HS3ST4: variants seen among roughly 807,000 people sequenced by gnomAD.
HS3ST4 encodes the protein heparan sulfate glucosamine 3-O-sulfotransferase 4.
HS3ST4 carries 17 observed loss-of-function variants against 29.2 expected under a neutral mutation model. That is an observed-to-expected ratio of 0.58 (90% confidence interval 0.40 to 0.87). HS3ST4 has a LOEUF of 0.87. Among genes scored for constraint, HS3ST4 ranks in the 40% least tolerant of loss-of-function variants. HS3ST4 has a pLI of 0.00. For synonymous variants in HS3ST4, 314 were observed against 285.7 expected, an observed-to-expected ratio of 1.10 and a Z score of -1.00; for missense variants, 627 against 634.5, an observed-to-expected ratio of 0.99 and a Z score of 0.13.
intron 1 of HS3ST4, among the ~76,000 whole-genome samples, chr16:25,751,056 G>C (rs1426033001): frequency 6.6e-6 from 1 of 152,156 alleles, no homozygotes; most frequent in Non-Finnish European, 1.5e-5. Context: ...GCTGCCACTT[G>C]ATGTGCTCAT....
intron 1 of HS3ST4, among the ~76,000 whole-genome samples, chr16:25,787,083 A>G (rs1360239024): frequency 1.3e-5 from 2 of 152,228 alleles, no homozygotes; most frequent in African/African-American, 4.8e-5. Context: ...ATGTGAGTGT[A>G]TCTATTGGAA....
At chr16:25,921,190 A>G (rs1968348187) in intron 1 of HS3ST4, among the ~76,000 whole-genome samples, 1 of 152,216 alleles carries the variant, frequency 6.6e-6, no homozygotes, top group Non-Finnish European at 1.5e-5. Context: ...CTCAAAGAAC[A>G]GTTGTAGAAT....
intron 1 of HS3ST4, among the ~76,000 whole-genome samples, chr16:25,954,342 C>T (rs751101978): frequency 5.9e-5 from 9 of 152,052 alleles, no homozygotes; most frequent in Non-Finnish European, 1.0e-4. Flanking sequence ...GTTTATTATC[C>T]CTCTTCTCCT....
intron 1 of HS3ST4, among the ~76,000 whole-genome samples, chr16:25,738,769 C>T (rs1966630430): frequency 6.6e-6 from 1 of 152,160 alleles, no homozygotes; most frequent in African/African-American, 2.4e-5. Flanking sequence ...AGGCTTCTCC[C>T]TCCAGCTCAC....
At chr16:25,764,466 CAT>C (rs1403842730) in intron 1 of HS3ST4, among the ~76,000 whole-genome samples, 1 of 152,150 alleles carries the variant, frequency 6.6e-6, no homozygotes, top group Non-Finnish European at 1.5e-5. Context: ...TGTGTGTGTA[CAT>C]GTGTGTGTGC....
At chr16:25,758,829 G>A (rs991676139) in intron 1 of HS3ST4, among the ~76,000 whole-genome samples, 2 of 151,982 alleles carry the variant, frequency 1.3e-5, no homozygotes, top group African/African-American at 2.4e-5. Flanking sequence ...GGTGGTGCAC[G>A]CCTGTAATCC....
At chr16:25,709,816 T>G (rs1966404060) in intron 1 of HS3ST4, among the ~76,000 whole-genome samples, 1 of 152,192 alleles carries the variant, frequency 6.6e-6, no homozygotes, top group African/African-American at 2.4e-5. Flanking sequence ...CAGAAATCAC[T>G]AATTATTTAT....
At chr16:26,133,828 A>C (rs1240965602) in intron 1 of HS3ST4, among the ~76,000 whole-genome samples, 3 of 152,226 alleles carry the variant, frequency 2.0e-5, no homozygotes, top group Admixed American at 1.3e-4. Flanking sequence ...AGACATTTAA[A>C]AGCATGTCAT....
intron 1 of HS3ST4, among the ~76,000 whole-genome samples, chr16:25,873,798 A>C (rs1246691052): frequency 2.0e-5 from 3 of 151,940 alleles, no homozygotes; most frequent in Non-Finnish European, 2.9e-5. Context: ...CCATCCATTC[A>C]TCTACCCACC....
At chr16:26,088,052 AATGAGTGTGGCT>A (rs1346925839) in intron 1 of HS3ST4, among the ~76,000 whole-genome samples, 25 of 152,178 alleles carry the variant, frequency 1.6e-4, no homozygotes, top group Non-Finnish European at 2.6e-4. Context: ...AATGTTCCCT[AATGAGTGTGGCT>A]TCTTCTGAGG....
At chr16:25,844,075 TCA>T (rs201858034) in intron 1 of HS3ST4, among the ~76,000 whole-genome samples, 1 of 133,076 alleles carries the variant, frequency 7.5e-6, no homozygotes, top group Admixed American at 7.9e-5. Context: ...GGCAGATTTT[TCA>T]CATGTTTGTT....
In HS3ST4 at chr16:25,866,691, A is replaced by G. The variant is rs2063856578; in HGVS notation, c.734+173540A>G. On this transcript the variant is annotated intron_variant, in intron 1 of 1. Coordinates refer to ENST00000331351, the MANE Select transcript of HS3ST4 (RefSeq NM_006040.3). The stretch of plus-strand genomic sequence containing the variant: ...GCAACAGGAGAGAGAGCATTAAGAA[A>G]AACACCTAATGCATGAGGGGCTTAA... Among the ~76,000 whole-genome samples, 11 of 152,308 alleles carry G rather than the reference A, an allele frequency of 7.2e-5. No individual in the cohort carries two copies. In the South Asian group the frequency reaches 2.3e-3, roughly 32 times the overall value.
intron 1 of HS3ST4, among the ~76,000 whole-genome samples, chr16:25,815,407 T>C (rs2141630500): frequency 6.6e-6 from 1 of 152,302 alleles, no homozygotes; most frequent in East Asian, 1.9e-4. Flanking sequence ...CACTGCAACC[T>C]CCGCCTCCCA....
intron 1 of HS3ST4, among the ~76,000 whole-genome samples, chr16:25,710,622 G>T (rs1254263820): frequency 6.6e-6 from 1 of 151,962 alleles, no homozygotes; most frequent in Admixed American, 6.6e-5. Context: ...TTAGGCCTAT[G>T]TACTAGAATG....
intron 1 of HS3ST4, among the ~76,000 whole-genome samples, chr16:25,696,623 C>T (rs181650189): frequency 2.0e-5 from 3 of 152,286 alleles, no homozygotes; most frequent in Admixed American, 6.5e-5. Context: ...CTCAGCCTCC[C>T]GAGTACCTGG....
At chr16:26,006,584 C>G (rs1365156458) in intron 1 of HS3ST4, among the ~76,000 whole-genome samples, 2 of 152,124 alleles carry the variant, frequency 1.3e-5, no homozygotes, top group East Asian at 3.9e-4. Context: ...GTTTGGCAGG[C>G]AAGGGAATGG....
intron 1 of HS3ST4, among the ~76,000 whole-genome samples, chr16:25,878,876 T>C (rs1967863288): frequency 1.3e-5 from 2 of 152,190 alleles, no homozygotes; most frequent in South Asian, 4.1e-4. Flanking sequence ...TTTCCCTCTC[T>C]TTTGGTTAAA....
chr16:26,072,589 C>A (rs1020307832), intron 1 of HS3ST4, among the ~76,000 whole-genome samples: 2 of 152,184 alleles, frequency 1.3e-5, no homozygotes, highest in Admixed American at 6.5e-5. Flanking sequence ...GCACCCAAGA[C>A]AACTCTTTAG....
At chr16:26,076,461 GA>G in intron 1 of HS3ST4, among the ~76,000 whole-genome samples, 2 of 152,282 alleles carry the variant, frequency 1.3e-5, no homozygotes, top group East Asian at 3.9e-4. Flanking sequence ...TGCCTGCAGT[GA>G]AAAAAGTGGG....
Sources: gnomAD v4.1 joint callset for allele counts (sites outside exome capture counted in the v4.1 genomes callset) on GRCh38, gnomAD v4.1.1 for gene constraint, MANE v1.5 for transcripts, NCBI Gene and HGNC (gene_info 2026-07-23, HGNC 2026-07-21) for gene names.